PRDM2: variants seen among roughly 807,000 people sequenced by gnomAD.
PRDM2 encodes the protein PR domain zinc finger protein 2.
Under a neutral mutation model 130.0 loss-of-function variants are expected in PRDM2, and 30 were observed. The ratio of observed to expected loss-of-function variants is 0.23; its 90% CI spans 0.17 to 0.31. PRDM2 has a LOEUF of 0.31. PRDM2 is among the 10% of genes least tolerant of loss of function. The pLI, the probability that PRDM2 is intolerant of heterozygous loss-of-function variation, is 1.00. For synonymous variants in PRDM2, 871 were observed against 782.4 expected (o/e 1.11, Z -1.89); for missense variants, 2,011 against 2,108.4 (o/e 0.95, Z 0.90).
chr1:13,701,336 G>T (rs1406344533), intron 1 of PRDM2, among the ~76,000 whole-genome samples: 1 of 151,968 alleles, frequency 6.6e-6, no homozygotes, highest in Non-Finnish European at 1.5e-5. Flanking sequence ...GTTTACTCCA[G>T]GTTTATTAAA....
At chr1:13,787,820 A>T (rs1238054942) in intron 8 of PRDM2, 1 of 982,258 alleles carries the variant, frequency 1.0e-6, no homozygotes, top group African/African-American at 1.8e-5. Context: ...TAATGAAAAC[A>T]TTAAAATTTA....
chr1:13,766,755 G>A (rs934439264), intron 6 of PRDM2, among the ~76,000 whole-genome samples: 1 of 152,176 alleles, frequency 6.6e-6, no homozygotes, highest in Non-Finnish European at 1.5e-5. Context: ...TTCAGAGTTG[G>A]ATAGCTCCCC....
intron 7 of PRDM2, among the ~76,000 whole-genome samples, chr1:13,774,861 G>C (rs898955360): frequency 1.3e-5 from 2 of 151,934 alleles, no homozygotes; most frequent in Admixed American, 6.6e-5. Flanking sequence ...CCTGTAGTCC[G>C]GGAGGCTGAG....
intron 2 of PRDM2, among the ~76,000 whole-genome samples, chr1:13,725,002 C>T (rs562652365): frequency 2.6e-5 from 4 of 152,210 alleles, no homozygotes; most frequent in Non-Finnish European, 4.4e-5. Flanking sequence ...TAGGTTTGGT[C>T]TCTAGGAGTC....
rs143882972 is a variant in PRDM2, at chr1:13,731,388, C to G, written c.127+271C>G. Among the ~76,000 whole-genome samples, 734 of 152,266 alleles carry G rather than the reference C, an allele frequency of 4.8e-3. 8 individuals are homozygous for G. Among genetic ancestry groups the G allele is most frequent in the African/African-American group, 0.017 (692 of 41,544 alleles). The stretch of plus-strand genomic sequence containing the variant: ...ATCCCTCTTGCCTGAGTGTCCTCCT[C>G]CTCTGAGTCTCCCTGCTGAGCCTCA... On this transcript the variant is annotated intron_variant, in intron 3 of 9. Transcript: ENST00000311066.
At chr1:13,725,178 G>T (rs1349616773) in intron 2 of PRDM2, among the ~76,000 whole-genome samples, 1 of 152,174 alleles carries the variant, frequency 6.6e-6, no homozygotes, top group East Asian at 1.9e-4. Flanking sequence ...TCCACATGAA[G>T]TTATAAGAAT....
At chr1:13,744,383 G>T (rs1411758691) in intron 5 of PRDM2, among the ~76,000 whole-genome samples, 2 of 152,202 alleles carry the variant, frequency 1.3e-5, no homozygotes, top group African/African-American at 4.8e-5. Context: ...TAGGATTGTT[G>T]TGATGATTGC....
chr1:13,708,155 T>C (rs1312721422), intron 1 of PRDM2, among the ~76,000 whole-genome samples: 3 of 151,986 alleles, frequency 2.0e-5, no homozygotes, highest in South Asian at 2.1e-4. Flanking sequence ...CTTGGAGCAG[T>C]AGATTTTGAA....
At chr1:13,746,544 ATTTATTTATTT>A (rs1183514543) in intron 5 of PRDM2, among the ~76,000 whole-genome samples, 1 of 149,612 alleles carries the variant, frequency 6.7e-6, no homozygotes, top group Non-Finnish European at 1.5e-5. Flanking sequence ...TTATTTATTT[ATTTATTTATTT>A]ATTTATTTAT....
At chr1:13,767,797 A>G (rs957071792) in intron 6 of PRDM2, among the ~76,000 whole-genome samples, 3 of 151,912 alleles carry the variant, frequency 2.0e-5, no homozygotes, top group Admixed American at 2.0e-4. Context: ...CAACAGCAAG[A>G]TCTTGTCTCT....
intron 2 of PRDM2, among the ~76,000 whole-genome samples, chr1:13,726,797 T>C (rs1042493610): frequency 6.6e-6 from 1 of 152,140 alleles, no homozygotes; most frequent in African/African-American, 2.4e-5. Context: ...GGTCAGCTAA[T>C]AGGGAAGCAG....
intron 6 of PRDM2, among the ~76,000 whole-genome samples, chr1:13,758,224 G>A (rs1348846494): frequency 2.0e-5 from 3 of 151,900 alleles, no homozygotes; most frequent in East Asian, 1.9e-4. Flanking sequence ...TGGGTGGATC[G>A]CCTGAGGTCA....
intron 9 of PRDM2, among the ~76,000 whole-genome samples, chr1:13,819,354 A>G (rs1011504064): frequency 6.6e-6 from 1 of 152,178 alleles, no homozygotes; most frequent in Non-Finnish European, 1.5e-5. Context: ...TTAAAAACAT[A>G]CAGTTTCCCA....
chr1:13,727,298 A>G (rs1038181602), intron 2 of PRDM2, among the ~76,000 whole-genome samples: 1 of 151,924 alleles, frequency 6.6e-6, no homozygotes, highest in South Asian at 2.1e-4. Context: ...TCTGTCAGCC[A>G]GGCTGGAGTG....
chr1:13,789,605 T>C (rs1487679823), intron 8 of PRDM2, among the ~76,000 whole-genome samples: 1 of 152,236 alleles, frequency 6.6e-6, no homozygotes, highest in Non-Finnish European at 1.5e-5. Flanking sequence ...TTTTAATACT[T>C]AGCTTAAAAT....
intron 7 of PRDM2, among the ~76,000 whole-genome samples, chr1:13,774,823 A>T (rs767119770): frequency 4.0e-4 from 61 of 152,172 alleles, no homozygotes; most frequent in African/African-American, 1.2e-3. Flanking sequence ...AAAAATACAA[A>T]AAAATTAGCC....
chr1:13,802,810 C>A (rs1570092754), intron 8 of PRDM2, among the ~76,000 whole-genome samples: 2 of 152,176 alleles, frequency 1.3e-5, no homozygotes, highest in South Asian at 4.1e-4. Context: ...TTTTTGGCTT[C>A]CCTCCTACTC....
intron 6 of PRDM2, among the ~76,000 whole-genome samples, chr1:13,760,556 T>G (rs1644072143): frequency 6.6e-6 from 1 of 152,204 alleles, no homozygotes; most frequent in Non-Finnish European, 1.5e-5. Context: ...ATGCAGAATT[T>G]ATTGTGATAC....
chr1:13,787,997 A>C (rs1644775544), intron 8 of PRDM2: 1 of 984,792 alleles, frequency 1.0e-6, no homozygotes, highest in Admixed American at 6.1e-5. Flanking sequence ...TTGTTGTGCT[A>C]TTGCTGCAAA....
Sources: gnomAD v4.1 joint callset for allele counts (sites outside exome capture counted in the v4.1 genomes callset) on GRCh38, gnomAD v4.1.1 for gene constraint, MANE v1.5 for transcripts, NCBI Gene and HGNC (gene_info 2026-07-23, HGNC 2026-07-21) for gene names.